Variants in CLSTN1 observed in about 807,000 individuals in gnomAD.
The protein encoded by CLSTN1 is calsyntenin 1.
In CLSTN1, 28 loss-of-function variants were observed where a neutral mutation model predicts 108.3. The ratio of observed to expected loss-of-function variants is 0.26; its 90% CI spans 0.19 to 0.35. CLSTN1 has a LOEUF of 0.35. CLSTN1 is among the 10% of genes least tolerant of loss of function. The probability of loss-of-function intolerance (pLI) is 1.00; values close to 1 mark genes in which losing one functional copy is unlikely to be tolerated. For synonymous variants in CLSTN1, 524 were observed against 534.9 expected, an observed-to-expected ratio of 0.98 and a Z score of 0.28; for missense variants, 1,157 against 1,302.6, an observed-to-expected ratio of 0.89 and a Z score of 1.72.
intron 16 of CLSTN1, among the ~76,000 whole-genome samples, 177 bp downstream of exon 16, chr1:9,733,224 C>G (rs944467237): frequency 1.3e-5 from 2 of 152,192 alleles, no homozygotes; most frequent in African/African-American, 2.4e-5. Flanking sequence ...GTCACTCCAA[C>G]AAGCCCAGGT....
In CLSTN1 at chr1:9,814,597, A is replaced by G. The variant is rs201783322; in HGVS notation, c.91+9046T>C. On this transcript the variant is annotated intron_variant, in intron 1 of 18. Coordinates refer to ENST00000377298, the MANE Select transcript of CLSTN1 (RefSeq NM_001009566.3). ...CAAAGCACATTTTTAGCCAACTAGC[A>G]TAACAAAAATGTAATGAATGAAGAA... Among the ~76,000 whole-genome samples the G allele has an allele frequency of 1.1e-3, 161 of 152,370 alleles. 1 individual carries two copies. In the East Asian group the frequency reaches 0.013, roughly 12 times the overall value.
intron 1 of CLSTN1, among the ~76,000 whole-genome samples, chr1:9,775,919 G>A (rs541379276): frequency 9.2e-5 from 14 of 152,200 alleles, no homozygotes; most frequent in African/African-American, 3.4e-4. Flanking sequence ...GCTCAGAGTA[G>A]GCGTGTGAAG....
intron 1 of CLSTN1, among the ~76,000 whole-genome samples, chr1:9,802,322 T>C (rs1009211342): frequency 2.0e-5 from 3 of 152,176 alleles, no homozygotes; most frequent in Non-Finnish European, 4.4e-5. Context: ...GGCTAAATTA[T>C]ATCAGGCCAC....
intron 4 of CLSTN1, among the ~76,000 whole-genome samples, chr1:9,753,809 T>C (rs953805758): frequency 1.4e-5 from 2 of 142,924 alleles, no homozygotes; most frequent in Non-Finnish European, 3.1e-5. Flanking sequence ...GCCTGGCCAA[T>C]TTTTGTTGTT....
At position 9,731,331 on chromosome 1, in the gene CLSTN1, T is replaced by A; in HGVS notation, c.2623A>T (p.Ile875Phe). ...CGGATCCGAAATACCCCCAGGATAA[T>A]CATGAACACCAGGAAGCTGACGCAC... is the stretch of plus-strand genomic sequence containing the variant. ...VVCVSFLVFM[I>F]ILGVFRIRAA... The change falls in exon 18 of 19, where the codon ATT becomes TTT. Residue 875 changes from isoleucine (I) to phenylalanine (F), a missense_variant. Transcript: ENST00000377298. The A allele has an allele frequency of 6.2e-7, 1 of 1,614,220 alleles. No homozygotes were observed. Among genetic ancestry groups the A allele is most frequent in the Non-Finnish European group, 8.5e-7 (1 of 1,180,040 alleles).
chr1:9,741,740 C>T (rs558130159), intron 9 of CLSTN1, among the ~76,000 whole-genome samples: 18 of 152,272 alleles, frequency 1.2e-4, no homozygotes, highest in African/African-American at 3.6e-4. Flanking sequence ...ATCGAAACCC[C>T]ATCTCTACTG....
intron 1 of CLSTN1, among the ~76,000 whole-genome samples, chr1:9,786,566 C>A (rs965231742): frequency 6.9e-6 from 1 of 144,698 alleles, no homozygotes; most frequent in Non-Finnish European, 1.5e-5. Flanking sequence ...TTGCTTGGAC[C>A]CGGGAGGTGG....
In CLSTN1 at chr1:9,734,142, A is replaced by G; in HGVS notation, c.2111T>C (p.Val704Ala). The change falls in exon 15 of 19, where the codon GTT becomes GCT. Residue 704 changes from valine to alanine, a missense_variant and splice_region_variant. Val to Ala is a moderately conservative substitution (Grantham distance 64, BLOSUM62 0). Coordinates refer to ENST00000377298, the MANE Select transcript of CLSTN1 (RefSeq NM_001009566.3). This position sits in a 1 kb window ranked among gnomAD's most constrained non-coding sequence, Gnocchi z 4.8. ...CTCCTCGGACACCAGTGATTCTTGA[A>G]CTGCAAAAGAGGCCCAACCAGAAAT... ...PEGDGAEDPT[V>A]QESLVSEEIV... 1 of 1,613,904 alleles carries G rather than the reference A, an allele frequency of 6.2e-7. No individual in the cohort carries two copies. The highest frequency in any genetic ancestry group is 8.5e-7 in the Non-Finnish European group (1 of 1,179,912).
At chr1:9,822,111 A>G (rs1414544808) in intron 1 of CLSTN1, among the ~76,000 whole-genome samples, 1 of 152,254 alleles carries the variant, frequency 6.6e-6, no homozygotes, top group Non-Finnish European at 1.5e-5. Flanking sequence ...ATCCAAGCAC[A>G]TATTTTTAAA....
chr1:9,768,819 G>A (rs1292494740), intron 2 of CLSTN1, among the ~76,000 whole-genome samples: 5 of 147,136 alleles, frequency 3.4e-5, no homozygotes, highest in Admixed American at 1.4e-4. Context: ...CTATGGGGGC[G>A]GGGTTCTGTG....
intron 1 of CLSTN1, among the ~76,000 whole-genome samples, chr1:9,811,731 CAA>C (rs34337087): frequency 9.3e-4 from 73 of 78,760 alleles, no homozygotes; most frequent in African/African-American, 1.1e-3. Context: ...AAATGCATGG[CAA>C]AAAAAAAAAA....
rs77609933 is a variant in CLSTN1, at chr1:9,744,467, T to G, written c.1162A>C (p.Ile388Leu). 6.2e-7 allele frequency: 1 copy of G among 1,610,666 alleles called. No individual in the cohort carries two copies. The highest frequency in any genetic ancestry group is 1.1e-5 in the South Asian group (1 of 91,014). The change falls in exon 8 of 19, where the codon ATC (isoleucine) becomes CTC (leucine). Residue 388 changes from isoleucine (I) to leucine (L), a missense_variant. Transcript: ENST00000377298. ...GGCCCATGTCTCATCCACACCGAGA[T>G]GGTGAACGGCTCTTTGGGGCTGACC... ...VSVSPKEPFTISVWMRHGPFG... is the reference protein window; with the variant it reads ...VSVSPKEPFTLSVWMRHGPFG...
intron 1 of CLSTN1, among the ~76,000 whole-genome samples, chr1:9,773,650 A>AG (rs1299075409): frequency 3.3e-5 from 5 of 152,174 alleles, no homozygotes; most frequent in African/African-American, 7.2e-5. Context: ...CTAGAAATCA[A>AG]GGGAAAAAAA....
At chr1:9,731,086 T>C (rs1232753071) in intron 18 of CLSTN1, 120 bp downstream of exon 18, 3 of 1,212,120 alleles carry the variant, frequency 2.5e-6, no homozygotes, top group Admixed American at 1.7e-5. Flanking sequence ...AGCCCCAGGC[T>C]TGCTGAGCAG....
chr1:9,751,364 AC>A, intron 5 of CLSTN1, 108 bp downstream of exon 5: 2 of 1,021,598 alleles, frequency 2.0e-6, no homozygotes, highest in Non-Finnish European at 1.5e-6. Context: ...TAGGTCTCCA[AC>A]TTGTGAGTTC....
intron 4 of CLSTN1, among the ~76,000 whole-genome samples, chr1:9,752,809 C>T (rs1651617420): frequency 6.6e-6 from 1 of 152,072 alleles, no homozygotes; most frequent in Non-Finnish European, 1.5e-5. Context: ...TTGCAGTGAG[C>T]CGAGATTGTG....
intron 1 of CLSTN1, among the ~76,000 whole-genome samples, chr1:9,776,362 A>C (rs2101171315): frequency 6.6e-6 from 1 of 152,234 alleles, no homozygotes; most frequent in Middle Eastern, 3.4e-3. Flanking sequence ...TTCCTAAATA[A>C]ACCCAGACCC....
chr1:9,791,468 A>G (rs182848409), intron 1 of CLSTN1, among the ~76,000 whole-genome samples: 140 of 151,574 alleles, frequency 9.2e-4, no homozygotes, highest in African/African-American at 3.2e-3. Flanking sequence ...TTCTGGGCTC[A>G]AGCAATCCCC....
chr1:9,775,605 A>G (rs1652902515), intron 1 of CLSTN1, among the ~76,000 whole-genome samples: 1 of 151,990 alleles, frequency 6.6e-6, no homozygotes, highest in Non-Finnish European at 1.5e-5. Context: ...CACAGCTCAA[A>G]TATTTCCATT....
Sources: allele counts gnomAD v4.1 joint callset (sites outside exome capture counted in the v4.1 genomes callset), GRCh38; gene constraint gnomAD v4.1.1; non-coding constraint Gnocchi (gnomAD v3.1); transcripts MANE v1.5; gene names NCBI Gene and HGNC (gene_info 2026-07-23, HGNC 2026-07-21).